CLU: variants seen among roughly 807,000 people sequenced by gnomAD.
CLU encodes the protein aging-associated protein 4.
CLU carries 25 observed loss-of-function variants against 46.4 expected under a neutral mutation model. The ratio of observed to expected loss-of-function variants is 0.54; its 90% confidence interval spans 0.39 to 0.75. The LOEUF (loss-of-function observed/expected upper bound fraction) is 0.75, where lower values mean the gene tolerates loss of function less well. Among genes scored for constraint, CLU ranks in the 30% least tolerant of loss-of-function variants. The pLI is 0.00. For synonymous variants in CLU, 235 were observed against 235.1 expected (o/e 1.00, Z 0.00); for missense variants, 504 against 592.1 (o/e 0.85, Z 1.54).
chr8:27,606,949 C>T (rs530707963), intron 3 of CLU, among the ~76,000 whole-genome samples: 16 of 152,342 alleles, frequency 1.1e-4, no homozygotes, highest in Middle Eastern at 3.4e-3. Flanking sequence ...TGCCTCCTGG[C>T]GTGCAAAGGG....
intron 6 of CLU, among the ~76,000 whole-genome samples, chr8:27,603,363 G>C (rs1324544830): frequency 3.3e-5 from 5 of 152,198 alleles, no homozygotes; most frequent in African/African-American, 1.2e-4. Flanking sequence ...AAAATTATAG[G>C]AGTGAGGCTA....
chr8:27,606,577 A>G, intron 3 of CLU, 53 bp from the exon 4 acceptor site: 1 of 1,608,946 alleles, frequency 6.2e-7, no homozygotes, highest in Non-Finnish European at 8.5e-7. Context: ...AGGCTCATGC[A>G]CTCAAAGAGC....
chr8:27,608,637 C>A, intron 3 of CLU: 1 of 541,666 alleles, frequency 1.8e-6, no homozygotes, highest in Non-Finnish European at 3.3e-6. Flanking sequence ...TGCCGCCACC[C>A]CATCCAGAGC....
chr8:27,614,516 G>A (rs1800979838), intron 1 of CLU, 139 bp downstream of exon 1: 16 of 360,986 alleles, frequency 4.4e-5, no homozygotes, highest in South Asian at 3.6e-4. Flanking sequence ...TCCCCTCCCT[G>A]GCTTCCTGGG....
intron 3 of CLU, among the ~76,000 whole-genome samples, chr8:27,608,196 A>G (rs962551060): frequency 6.6e-6 from 1 of 152,158 alleles, no homozygotes; most frequent in Non-Finnish European, 1.5e-5. Context: ...AAAAAAAAAC[A>G]AAAACAAAAA....
intron 1 of CLU, 55 bp from the exon 2 acceptor site, chr8:27,610,655 G>A (rs549684715): frequency 2.4e-5 from 34 of 1,405,142 alleles, no homozygotes; most frequent in Non-Finnish European, 3.0e-5. Context: ...CTGGCGTCCC[G>A]CCCACCTGCT....
chr8:27,602,605 A>C (rs1800741374), intron 6 of CLU, among the ~76,000 whole-genome samples: 1 of 151,910 alleles, frequency 6.6e-6, no homozygotes, highest in Admixed American at 6.6e-5. Context: ...TGTCTCAAAA[A>C]AAAAAAAAAA....
At chr8:27,604,670 G>T (rs543435380) in intron 5 of CLU, among the ~76,000 whole-genome samples, 86 of 152,128 alleles carry the variant, frequency 5.7e-4, no homozygotes, top group African/African-American at 2.0e-3. Flanking sequence ...GTAGAGACAG[G>T]GTCTCACTAT....
At chr8:27,601,209 C>T (rs953702525) in intron 6 of CLU, among the ~76,000 whole-genome samples, 3 of 152,216 alleles carry the variant, frequency 2.0e-5, no homozygotes, top group South Asian at 2.1e-4. Context: ...CCACCACCCC[C>T]GGGTGATTTT....
chr8:27,600,576 G>A (rs1257889746), intron 6 of CLU, among the ~76,000 whole-genome samples: 2 of 152,152 alleles, frequency 1.3e-5, no homozygotes, highest in Admixed American at 6.5e-5. Context: ...AGTGTGCTTC[G>A]TAACATCATT....
At chr8:27,612,712 C>T (rs1281516614) in intron 1 of CLU, among the ~76,000 whole-genome samples, 2 of 151,988 alleles carry the variant, frequency 1.3e-5, no homozygotes, top group East Asian at 3.9e-4. Flanking sequence ...CACAGCCGAC[C>T]TCCTTTCCTT....
At chr8:27,606,618 A>G in intron 3 of CLU, 94 bp from the exon 4 acceptor site, 2 of 1,499,356 alleles carry the variant, frequency 1.3e-6, no homozygotes, top group Admixed American at 3.4e-5. Flanking sequence ...GCCCCAGGGC[A>G]GGCCTTCCCA....
At chr8:27,611,386 A>G (rs535095400) in intron 1 of CLU, 48 of 456,792 alleles carry the variant, frequency 1.1e-4, no homozygotes, top group Non-Finnish European at 2.0e-4. Context: ...GGCCCTCCAC[A>G]CTGCCCATCC....
Position 27,598,597 on chromosome 8 carries a change from A to T in CLU, c.1203T>A (p.Gly401=). 6.2e-7 allele frequency: 1 copy of T among 1,614,182 alleles called. No homozygotes were observed. The highest frequency in any genetic ancestry group is 8.5e-7 in the Non-Finnish European group (1 of 1,180,028). The change falls in exon 8 of 9, where the codon GGT becomes GGA. Residue 401 remains glycine, a synonymous_variant. Transcript: ENST00000316403. The part of the protein sequence containing the change: ...SHTSDSDVPS[G]VTEVVVKLFD... ...AGAGCTTCACGACCACCTCAGTGAC[A>T]CCGGAAGGAACGTCCGAGTCAGAAG...
chr8:27,609,118 C>A (rs368103101), intron 2 of CLU, 32 bp from the exon 3 acceptor site: 38 of 1,611,532 alleles, frequency 2.4e-5, no homozygotes, highest in South Asian at 1.1e-4. Context: ...CAGAATGAGG[C>A]GAGAGGAAGA....
rs1047240012 is a variant in CLU at position 27,597,506 on chromosome 8, A to G, written c.*735T>C. 8.1e-5 allele frequency: 37 copies of G among 454,216 alleles called. No individual in the cohort carries two copies. The Admixed American group carries it at 8.2e-4, about 10-fold the overall frequency. 28.1% of individuals were successfully genotyped at this position (454,216 alleles called of 1,614,324 possible). ...ACAACTCGAAATCAACAGCTTTTAC[A>G]AATAAAACCGCTGCAAAAGCAATAG... On this transcript the variant is annotated 3_prime_UTR_variant, in exon 9 of 9. Coordinates refer to ENST00000316403, the MANE Select transcript of CLU (RefSeq NM_001831.4).
At chr8:27,598,353 C>G (rs1057085278) in intron 8 of CLU, 103 bp from the exon 9 acceptor site, 23 of 1,592,496 alleles carry the variant, frequency 1.4e-5, no homozygotes, top group East Asian at 2.2e-5. Flanking sequence ...TGGCTCCGGG[C>G]GGAGTCGTTC....
intron 5 of CLU, among the ~76,000 whole-genome samples, chr8:27,604,647 A>T (rs1445016209): frequency 1.3e-5 from 2 of 151,650 alleles, no homozygotes; most frequent in African/African-American, 4.8e-5. Flanking sequence ...TAATTTTTTA[A>T]GTTTTTATTT....
intron 3 of CLU, among the ~76,000 whole-genome samples, chr8:27,608,019 G>C (rs1202679653): frequency 1.1e-4 from 16 of 152,128 alleles, no homozygotes; most frequent in Non-Finnish European, 1.5e-5. Context: ...AAAAATGTGA[G>C]AACAAGTCAT....
Sources: gnomAD v4.1 joint callset for allele counts (sites outside exome capture counted in the v4.1 genomes callset) on GRCh38, gnomAD v4.1.1 for gene constraint, MANE v1.5 for transcripts, NCBI Gene and HGNC (gene_info 2026-07-23, HGNC 2026-07-21) for gene names.